Variants in DMD observed in about 807,000 individuals in gnomAD.
DMD encodes the protein mutant dystrophin.
A neutral mutation model predicts 330.1 loss-of-function variants in DMD; 63 were observed. That is an observed-to-expected ratio of 0.19 (90% CI 0.16 to 0.24). DMD has a LOEUF of 0.24. DMD is among the 10% of genes least tolerant of loss of function. The pLI is 1.00. For missense variants in DMD, 3,344 were observed against 2,684.1 expected, an observed-to-expected ratio of 1.25 and a Z score of -5.43; for synonymous variants, 1,223 against 959.8, an observed-to-expected ratio of 1.27 and a Z score of -5.07.
intron 7 of DMD, among the ~76,000 whole-genome samples, chrX:32,731,858 T>G (rs923986347): frequency 9.0e-6 from 1 of 111,696 alleles, no homozygotes; most frequent in African/African-American, 3.3e-5. Flanking sequence ...AGAGCACCTC[T>G]CCTCCTCCAA....
intron 2 of DMD, among the ~76,000 whole-genome samples, chrX:32,983,334 G>T (rs970122609): frequency 1.8e-5 from 2 of 110,106 alleles, no homozygotes; most frequent in African/African-American, 6.6e-5. Context: ...ACTTCTTCAG[G>T]CTTCACTTTC....
intron 15 of DMD, among the ~76,000 whole-genome samples, chrX:32,567,991 A>G (rs781509130): frequency 5.3e-5 from 6 of 112,160 alleles, no homozygotes; most frequent in Non-Finnish European, 1.1e-4. Flanking sequence ...AAATAGCCAT[A>G]TGTGTAAGGC....
chrX:32,845,795 C>T (rs1446241260), intron 3 of DMD, among the ~76,000 whole-genome samples: 1 of 112,362 alleles, frequency 8.9e-6, no homozygotes, highest in Non-Finnish European at 1.9e-5. Context: ...AAAATTTAAT[C>T]TCCCTGTATA....
At chrX:32,846,723 T>TTTAA (rs1491283627) in intron 3 of DMD, among the ~76,000 whole-genome samples, 6 of 53,583 alleles carry the variant, frequency 1.1e-4, no homozygotes, top group African/African-American at 4.2e-4. Context: ...ACTTTAGATT[T>TTTAA]AAAAAAAAAA....
chrX:31,319,688 G>T (rs2056286522), intron 62 of DMD, among the ~76,000 whole-genome samples: 1 of 112,385 alleles, frequency 8.9e-6, no homozygotes, highest in South Asian at 3.7e-4. Flanking sequence ...TTGCCCTGTT[G>T]GTCTGACCCA....
chrX:31,792,326 T>C (rs1447541594), intron 50 of DMD, among the ~76,000 whole-genome samples: 1 of 112,587 alleles, frequency 8.9e-6, no homozygotes, highest in Non-Finnish European at 1.9e-5. Flanking sequence ...AATTATTTCT[T>C]AGTATATCAC....
intron 7 of DMD, among the ~76,000 whole-genome samples, chrX:32,792,404 T>G (rs1195100534): frequency 9.1e-6 from 1 of 110,057 alleles, no homozygotes; most frequent in East Asian, 2.9e-4. Flanking sequence ...GGGAAAAAAA[T>G]GAAGAAAAAA....
intron 60 of DMD, among the ~76,000 whole-genome samples, chrX:31,434,129 G>T (rs1195430043): frequency 1.8e-5 from 2 of 110,868 alleles, no homozygotes; most frequent in Non-Finnish European, 3.8e-5. Context: ...AAGCAAACAG[G>T]ATGCTCTCTG....
At chrX:32,469,972 T>C (rs750562975) in intron 22 of DMD, among the ~76,000 whole-genome samples, 7 of 111,506 alleles carry the variant, frequency 6.3e-5, no homozygotes, top group Non-Finnish European at 9.4e-5. Flanking sequence ...TTGTATGTTA[T>C]TAGGATGCAC....
At chrX:32,892,411 G>A (rs557593346) in intron 2 of DMD, among the ~76,000 whole-genome samples, 1 of 111,784 alleles carries the variant, frequency 8.9e-6, no homozygotes, top group Non-Finnish European at 1.9e-5. Flanking sequence ...TTGTTTCTTT[G>A]AGACAGAGTT....
At chrX:33,049,505 G>A (rs777052905) in intron 1 of DMD, among the ~76,000 whole-genome samples, 1 of 111,098 alleles carries the variant, frequency 9.0e-6, no homozygotes, top group African/African-American at 3.3e-5. Flanking sequence ...CTCTCGAAAG[G>A]AAAGGAAAAG....
At chrX:31,574,142 T>TTG (rs1569552234) in intron 55 of DMD, among the ~76,000 whole-genome samples, 1 of 96,252 alleles carries the variant, frequency 1.0e-5, no homozygotes, top group Non-Finnish European at 2.1e-5. Context: ...TTGTTTTTTT[T>TTG]TTTGTTTTTT....
intron 62 of DMD, among the ~76,000 whole-genome samples, chrX:31,289,816 C>T (rs1466323942): frequency 9.1e-6 from 1 of 110,174 alleles, no homozygotes; most frequent in Non-Finnish European, 1.9e-5. Flanking sequence ...TAAATAACTG[C>T]TAATTTATTT....
intron 62 of DMD, among the ~76,000 whole-genome samples, chrX:31,284,592 T>TCTTCCTTCTTC (rs2052982715): frequency 1.0e-5 from 1 of 97,717 alleles, no homozygotes; most frequent in African/African-American, 3.8e-5. Context: ...TTCTTCTTCT[T>TCTTCCTTCTTC]CTTCTTCTTC....
At chrX:32,107,338 ATGTGTGTGTGTGTGTG>A (rs34502564) in intron 44 of DMD, among the ~76,000 whole-genome samples, 1 of 89,135 alleles carries the variant, frequency 1.1e-5, no homozygotes, top group Non-Finnish European at 2.2e-5. Context: ...ATATAATTAT[ATGTGTGTGTGTGTGTG>A]TGTGTGTGTG....
intron 60 of DMD, among the ~76,000 whole-genome samples, chrX:31,386,764 G>T (rs2060465370): frequency 8.9e-6 from 1 of 111,977 alleles, no homozygotes; most frequent in Admixed American, 9.5e-5. Context: ...GAACTCTTTG[G>T]TTTCAATCTA....
At chrX:32,834,143 A>G (rs2079398633) in intron 4 of DMD, among the ~76,000 whole-genome samples, 2 of 111,661 alleles carry the variant, frequency 1.8e-5, no homozygotes, top group South Asian at 7.4e-4. Context: ...TCATTTGGCA[A>G]AGACCCTATA....
chrX:32,356,940 G>A (rs1198531274), intron 37 of DMD, among the ~76,000 whole-genome samples: 2 of 110,435 alleles, frequency 1.8e-5, no homozygotes, highest in Admixed American at 1.9e-4. Flanking sequence ...CCCAGGCTGG[G>A]GTGCAGTGGT....
chrX:31,430,712 C>CTACAGTTT (rs2063992659), intron 60 of DMD, among the ~76,000 whole-genome samples: 1 of 110,026 alleles, frequency 9.1e-6, no homozygotes, highest in African/African-American at 3.3e-5. Context: ...TTTACTGCCC[C>CTACAGTTT]TACAGTTTAA....
Sources: allele counts gnomAD v4.1 joint callset (sites outside exome capture counted in the v4.1 genomes callset), GRCh38; gene constraint gnomAD v4.1.1; transcripts MANE v1.5; gene names NCBI Gene and HGNC (gene_info 2026-07-23, HGNC 2026-07-21).